Variants in SLC35F4 observed in about 807,000 individuals in gnomAD.
SLC35F4 encodes chromosome 14 open reading frame 36.
A neutral mutation model predicts 44.2 loss-of-function variants in SLC35F4; 24 were observed. The ratio of observed to expected loss-of-function variants is 0.54; its 90% CI spans 0.39 to 0.76. The LOEUF (loss-of-function observed/expected upper bound fraction) is 0.76. Among genes scored for constraint, SLC35F4 ranks in the 30% least tolerant of loss-of-function variants. The pLI is 0.00. For synonymous variants in SLC35F4, 238 were observed against 223.6 expected, an observed-to-expected ratio of 1.06 and a Z score of -0.57; for missense variants, 562 against 586.1, an observed-to-expected ratio of 0.96 and a Z score of 0.42.
chr14:57,830,053 T>C (rs1884191184), intron 1 of SLC35F4, among the ~76,000 whole-genome samples: 2 of 151,964 alleles, frequency 1.3e-5, no homozygotes, highest in African/African-American at 4.8e-5. Flanking sequence ...TTTTGAAGAG[T>C]AGAAAAAAGT....
rs1252720821 is a variant in SLC35F4 at position 57,924,607 on chromosome 14, C to A, written n.282+57306G>T. 2.6e-5 allele frequency among the ~76,000 whole-genome samples: 4 copies of A among 152,064 alleles called. No individual in the cohort carries two copies. The East Asian group carries it at 7.7e-4, about 29-fold the overall frequency. ...GGGACTAGAGGTGCCTGCCACCACA[C>A]CCAGCTAATTTTTGTATTTTTAGTA... On this transcript the variant is annotated intron_variant and non_coding_transcript_variant, in intron 1 of 1. Transcript: ENST00000556568.
rs376810627 is a variant in SLC35F4, at chr14:57,790,312, A to G, written c.103+75411T>C. Among the ~76,000 whole-genome samples the G allele has an allele frequency of 2.0e-5, 3 of 152,188 alleles. No individual in the cohort carries two copies. The South Asian group carries it at 6.2e-4, about 32-fold the overall frequency. On this transcript the variant is annotated intron_variant, in intron 1 of 7. Coordinates refer to ENST00000556826, the MANE Select transcript of SLC35F4 (RefSeq NM_001306087.2). ...CAGCAAAGTCTCAGGATACAAAATC[A>G]ATATGCAAAAATCACAAGAATTCCT...
intron 1 of SLC35F4, among the ~76,000 whole-genome samples, chr14:57,656,372 T>C (rs991463020): frequency 1.5e-4 from 13 of 86,166 alleles, no homozygotes; most frequent in African/African-American, 4.7e-4. Flanking sequence ...TATATATATA[T>C]ATATACACAC....
Position 57,908,691 on chromosome 14 carries a change from G to T in SLC35F4, n.282+73222C>A, listed in dbSNP as rs113416745. Among the ~76,000 whole-genome samples the T allele has an allele frequency of 0.025, 3,830 of 152,088 alleles. 427 individuals carry two copies. In the East Asian group the frequency reaches 0.39, roughly 16 times the overall value. Reference sequence around the variant, plus strand: ...GTAAATTCTGGATATTAGCCATTTGGCAGATGGATAGATTGCAAAAATTTT... The same window carrying T: ...GTAAATTCTGGATATTAGCCATTTGTCAGATGGATAGATTGCAAAAATTTT... On this transcript the variant is annotated intron_variant and non_coding_transcript_variant, in intron 1 of 1. Coordinates refer to the SLC35F4 transcript ENST00000556568.
In SLC35F4 at chr14:57,625,886, G is replaced by A. The variant is rs545659656; in HGVS notation, c.104-31762C>T. Among the ~76,000 whole-genome samples, 52 of 152,148 alleles carry A rather than the reference G, an allele frequency of 3.4e-4. No homozygotes were observed. The South Asian group carries it at 6.0e-3, about 18-fold the overall frequency. On this transcript the variant is annotated intron_variant, in intron 1 of 7. Transcript: ENST00000556826. ...AGACACACACACGTATGTTTATTGC[G>A]GCACTGTTAACAATAGCAAAGACTT...
At chr14:57,631,339 T>A (rs1485490729) in intron 1 of SLC35F4, among the ~76,000 whole-genome samples, 1 of 152,080 alleles carries the variant, frequency 6.6e-6, no homozygotes. Flanking sequence ...ATAGAAAACA[T>A]CACAAAAACT....
intron 1 of SLC35F4, among the ~76,000 whole-genome samples, chr14:57,800,101 C>T (rs2078155704): frequency 6.6e-6 from 1 of 152,136 alleles, no homozygotes; most frequent in African/African-American, 2.4e-5. Flanking sequence ...CCTACAGGCA[C>T]GTTTGGGCCG....
At chr14:57,745,910 AG>A (rs1034317658) in intron 1 of SLC35F4, among the ~76,000 whole-genome samples, 4 of 152,216 alleles carry the variant, frequency 2.6e-5, no homozygotes, top group Non-Finnish European at 4.4e-5. Flanking sequence ...AGCCATAAAA[AG>A]GATGAGTTCA....
chr14:57,609,912 A>G lies in SLC35F4; in HGVS notation c.104-15788T>C, dbSNP rs543266658. ...TGGCTGCCATGTGTTCCTAGCCTCC[A>G]GGAAACTGGCTGCCACATGCTCCCA... On this transcript the variant is annotated intron_variant, in intron 1 of 7. Coordinates refer to ENST00000556826, the MANE Select transcript of SLC35F4 (RefSeq NM_001306087.2). Among the ~76,000 whole-genome samples, 16 of 152,270 alleles carry G rather than the reference A, an allele frequency of 1.1e-4. No individual in the cohort carries two copies. In the South Asian group the frequency reaches 3.3e-3, roughly 32 times the overall value.
intron 1 of SLC35F4, among the ~76,000 whole-genome samples, chr14:57,816,366 C>T (rs900128403): frequency 2.0e-5 from 3 of 152,290 alleles, no homozygotes; most frequent in Non-Finnish European, 2.9e-5. Context: ...GATCCACCCC[C>T]ACTCTTTCAG....
At chr14:57,709,434 T>A (rs1476356128) in intron 1 of SLC35F4, among the ~76,000 whole-genome samples, 1 of 152,164 alleles carries the variant, frequency 6.6e-6, no homozygotes, top group Non-Finnish European at 1.5e-5. Flanking sequence ...AGAGCGAGGA[T>A]TATTATAATA....
intron 1 of SLC35F4, among the ~76,000 whole-genome samples, chr14:57,615,829 T>A (rs2071783055): frequency 6.6e-6 from 1 of 152,110 alleles, no homozygotes; most frequent in African/African-American, 2.4e-5. Context: ...CAGCTGTGCA[T>A]ATAGATGGGA....
At chr14:57,867,388 G>A (rs932484390), upstream of SLC35F4, among the ~76,000 whole-genome samples, 16 of 152,074 alleles carry the variant, frequency 1.1e-4, no homozygotes, top group Non-Finnish European at 2.2e-4. Context: ...AGCTTAGCAC[G>A]GGATCTTGAG....
At chr14:57,580,596 CT>C in intron 4 of SLC35F4, 1 of 299,326 alleles carries the variant, frequency 3.3e-6, no homozygotes, top group South Asian at 2.9e-5. Flanking sequence ...CATATTACTC[CT>C]GAAAGGAATA....
chr14:57,880,020 GAAAGGA>G (rs1888487472), intron 1 of SLC35F4, among the ~76,000 whole-genome samples: 2 of 136,140 alleles, frequency 1.5e-5, no homozygotes, highest in African/African-American at 5.7e-5. Context: ...GAAAGGAAAG[GAAAGGA>G]AAGGAGGGAG....
intron 1 of SLC35F4, among the ~76,000 whole-genome samples, chr14:57,848,618 C>A (rs1886244098): frequency 6.6e-6 from 1 of 152,188 alleles, no homozygotes; most frequent in Non-Finnish European, 1.5e-5. Context: ...TGCATTTCCA[C>A]ATATCATGTG....
rs181764681 is a variant in SLC35F4 at position 57,892,808 on chromosome 14, A to G, written n.282+89105T>C. On this transcript the variant is annotated intron_variant and non_coding_transcript_variant, in intron 1 of 1. Coordinates refer to the SLC35F4 transcript ENST00000556568. ...GCATAGAGCCCAGGATCTCTAGGTC[A>G]TTTTCTTTCTCCACAAATAACCAAC... 4.9e-3 allele frequency among the ~76,000 whole-genome samples: 753 copies of G among 152,190 alleles called. 2 individuals are homozygous for G. Among genetic ancestry groups the G allele is most frequent in the African/African-American group, 0.017 (694 of 41,526 alleles).
chr14:57,698,577 G>A (rs2075447119), intron 1 of SLC35F4, among the ~76,000 whole-genome samples: 1 of 151,716 alleles, frequency 6.6e-6, no homozygotes, highest in African/African-American at 2.4e-5. Context: ...AAATTAATAG[G>A]TTAAGTTTCA....
At position 57,895,248 on chromosome 14, in the gene SLC35F4, G is replaced by C. The variant is rs888551440; in HGVS notation, n.282+86665C>G. 5.3e-5 allele frequency among the ~76,000 whole-genome samples: 8 copies of C among 152,242 alleles called. No individual in the cohort carries two copies. In the East Asian group the frequency reaches 7.7e-4, roughly 15 times the overall value. Reference sequence around the variant, plus strand: ...ACAGACTCTTACTGGCCAAGCACTTGAAACACCAATCTGTGATCCCAGAAA... The same window carrying C: ...ACAGACTCTTACTGGCCAAGCACTTCAAACACCAATCTGTGATCCCAGAAA... On this transcript the variant is annotated intron_variant and non_coding_transcript_variant, in intron 1 of 1. Transcript: ENST00000556568.
Sources: gnomAD v4.1 joint callset for allele counts (sites outside exome capture counted in the v4.1 genomes callset) on GRCh38, gnomAD v4.1.1 for gene constraint, MANE v1.5 for transcripts, NCBI Gene and HGNC (gene_info 2026-07-23, HGNC 2026-07-21) for gene names.